The following PTPN9 variants were observed in gnomAD, a reference collection of about 807,000 sequenced individuals.
PTPN9 encodes tyrosine-protein phosphatase non-receptor type 9.
In PTPN9, 26 loss-of-function variants were observed where a neutral mutation model predicts 69.8. The ratio of observed to expected loss-of-function variants is 0.37; its 90% CI spans 0.27 to 0.52. The LOEUF (loss-of-function observed/expected upper bound fraction) is 0.52, where lower values mean the gene tolerates loss of function less well. Ranked by LOEUF, PTPN9 falls within the 20% of genes least tolerant of loss-of-function variation. PTPN9 has a pLI of 0.91. For synonymous variants in PTPN9, 274 were observed against 272.5 expected (o/e 1.01, Z -0.05); for missense variants, 549 against 740.3 (o/e 0.74, Z 3.00).
chr15:75,491,165 G>A (rs2074708929), intron 7 of PTPN9, among the ~76,000 whole-genome samples: 1 of 152,016 alleles, frequency 6.6e-6, no homozygotes, highest in Non-Finnish European at 1.5e-5. Context: ...CACTTTGGGA[G>A]GCCAAGGCGG....
At chr15:75,575,123 G>A (rs1332904769) in intron 1 of PTPN9, among the ~76,000 whole-genome samples, 1 of 49,830 alleles carries the variant, frequency 2.0e-5, no homozygotes, top group Admixed American at 2.0e-4. Context: ...ACAGGCGCCC[G>A]CCACGACGCC....
intron 1 of PTPN9, among the ~76,000 whole-genome samples, chr15:75,537,663 G>A (rs2074989339): frequency 6.8e-6 from 1 of 146,934 alleles, no homozygotes; most frequent in Non-Finnish European, 1.5e-5. Flanking sequence ...GCTGAGGCAG[G>A]AGAATCACTT....
chr15:75,529,680 C>T (rs982690809), intron 1 of PTPN9, among the ~76,000 whole-genome samples: 5 of 151,960 alleles, frequency 3.3e-5, no homozygotes, highest in Admixed American at 1.3e-4. Context: ...GAAGCCAAGG[C>T]GGGTGGATCA....
intron 8 of PTPN9, among the ~76,000 whole-genome samples, chr15:75,484,151 T>C (rs1421163286): frequency 6.6e-6 from 1 of 152,206 alleles, no homozygotes; most frequent in Non-Finnish European, 1.5e-5. Flanking sequence ...GTAATAACAA[T>C]AGTAACTGCC....
intron 1 of PTPN9, among the ~76,000 whole-genome samples, chr15:75,544,738 A>G (rs566954668): frequency 1.3e-5 from 2 of 152,276 alleles, no homozygotes; most frequent in African/African-American, 4.8e-5. Context: ...AGAAACCTGT[A>G]AAGTCTTTCT....
chr15:75,470,093 C>A, intron 11 of PTPN9, 94 bp from the exon 12 acceptor site: 1 of 1,170,400 alleles, frequency 8.5e-7, no homozygotes, highest in South Asian at 1.4e-5. Context: ...CCTGGTTATC[C>A]CTACCACCAA....
chr15:75,478,145 CTTT>C (rs926826516), intron 9 of PTPN9, among the ~76,000 whole-genome samples: 1 of 140,790 alleles, frequency 7.1e-6, no homozygotes, highest in African/African-American at 2.6e-5. Flanking sequence ...GGCCGATCCT[CTTT>C]TTTTTTTTCT....
intron 10 of PTPN9, among the ~76,000 whole-genome samples, chr15:75,472,316 G>A (rs1293235639): frequency 2.0e-5 from 3 of 151,494 alleles, no homozygotes; most frequent in East Asian, 2.0e-4. Flanking sequence ...AAAATTAGCC[G>A]GGCGAGGTGG....
At chr15:75,562,603 G>A (rs1400361892) in intron 1 of PTPN9, among the ~76,000 whole-genome samples, 1 of 151,918 alleles carries the variant, frequency 6.6e-6, no homozygotes, top group Non-Finnish European at 1.5e-5. Context: ...AGGCCGAGGC[G>A]GGTGGATCAC....
At chr15:75,569,551 A>G (rs959683735) in intron 1 of PTPN9, among the ~76,000 whole-genome samples, 2 of 151,794 alleles carry the variant, frequency 1.3e-5, no homozygotes, top group African/African-American at 4.8e-5. Context: ...CAAAAAATAC[A>G]AAAATTAGCT....
intron 1 of PTPN9, among the ~76,000 whole-genome samples, chr15:75,566,284 T>C (rs1439580189): frequency 6.6e-6 from 1 of 152,166 alleles, no homozygotes; most frequent in Non-Finnish European, 1.5e-5. Flanking sequence ...AAAGGCCAGA[T>C]TTGCAATAAT....
chr15:75,482,836 T>C (rs1217421374), intron 8 of PTPN9, among the ~76,000 whole-genome samples: 5 of 151,392 alleles, frequency 3.3e-5, no homozygotes, highest in South Asian at 4.2e-4. Context: ...GCGCCTGTAG[T>C]CCCAGCTACA....
chr15:75,573,238 G>C (rs1237665517), intron 1 of PTPN9, among the ~76,000 whole-genome samples: 2 of 152,174 alleles, frequency 1.3e-5, no homozygotes, highest in Admixed American at 1.3e-4. Context: ...CAAAGTGAGG[G>C]TAGTAATTCC....
chr15:75,573,991 A>T (rs550902105), intron 1 of PTPN9, among the ~76,000 whole-genome samples: 57 of 152,310 alleles, frequency 3.7e-4, no homozygotes, highest in African/African-American at 1.1e-3. Flanking sequence ...CAGCTCCTGC[A>T]AAGACCCTGT....
At chr15:75,537,775 A>AAAAAAAAAAAAAAAAAAAAAAC (rs2074990843) in intron 1 of PTPN9, among the ~76,000 whole-genome samples, 1 of 139,140 alleles carries the variant, frequency 7.2e-6, no homozygotes. Flanking sequence ...AAAAAAAAAA[A>AAAAAAAAAAAAAAAAAAAAAAC]AGGCCAGGCG....
At chr15:75,504,996 A>G (rs2141310317) in intron 7 of PTPN9, among the ~76,000 whole-genome samples, 2 of 152,322 alleles carry the variant, frequency 1.3e-5, no homozygotes, top group South Asian at 4.1e-4. Context: ...CAGGATGACA[A>G]TGGCGGTTTT....
At chr15:75,504,246 C>T (rs1438139177) in intron 7 of PTPN9, among the ~76,000 whole-genome samples, 1 of 133,350 alleles carries the variant, frequency 7.5e-6, no homozygotes, top group African/African-American at 2.8e-5. Flanking sequence ...CCGCCCCGTC[C>T]GGGAGGGAGG....
chr15:75,527,298 G>A (rs749045442), intron 1 of PTPN9, 37 bp from the exon 2 acceptor site: 1 of 1,609,308 alleles, frequency 6.2e-7, no homozygotes, highest in South Asian at 1.1e-5. Flanking sequence ...TTAGTAAGAA[G>A]AGAGCATATT....
chr15:75,574,542 A>AT (rs1286047814), intron 1 of PTPN9, among the ~76,000 whole-genome samples: 10 of 152,160 alleles, frequency 6.6e-5, no homozygotes, highest in Non-Finnish European at 1.2e-4. Flanking sequence ...CTAACACTGT[A>AT]TTGTACACAA....
Sources: allele counts gnomAD v4.1 joint callset (sites outside exome capture counted in the v4.1 genomes callset), GRCh38; gene constraint gnomAD v4.1.1; transcripts MANE v1.5; gene names NCBI Gene and HGNC (gene_info 2026-07-23, HGNC 2026-07-21).